Variants in FRYL observed in about 807,000 individuals in gnomAD.
The protein encoded by FRYL is protein furry homolog-like.
Under a neutral mutation model 351.2 loss-of-function variants are expected in FRYL, and 150 were observed. The observed-to-expected ratio is 0.43, with a 90% CI of 0.37 to 0.49. The LOEUF (loss-of-function observed/expected upper bound fraction) is 0.49. FRYL is among the 20% of genes least tolerant of loss of function. The pLI, the probability that FRYL is intolerant of heterozygous loss-of-function variation, is 0.00. For missense variants in FRYL, 3,036 were observed against 3,619.3 expected (o/e 0.84, Z 4.13); for synonymous variants, 1,153 against 1,257.1 (o/e 0.92, Z 1.75).
rs954387350 is a variant in FRYL, at chr4:48,603,020, T to C, written c.933+270A>G. 2.0e-5 allele frequency among the ~76,000 whole-genome samples: 3 copies of C among 152,186 alleles called. No homozygotes were observed. In the East Asian group the frequency reaches 5.8e-4, roughly 29 times the overall value. Reference sequence around the variant, plus strand: ...CACAATGAAATAGCCTAACGACACATTTCTTAGAACATATTTCCATCATTA... The same window carrying C: ...CACAATGAAATAGCCTAACGACACACTTCTTAGAACATATTTCCATCATTA... On this transcript the variant is annotated intron_variant, in intron 12 of 63. Transcript: ENST00000358350.
intron 1 of FRYL, among the ~76,000 whole-genome samples, chr4:48,745,121 A>T (rs1772522585): frequency 6.6e-6 from 1 of 152,174 alleles, no homozygotes; most frequent in South Asian, 2.1e-4. Context: ...ATCAGAATTG[A>T]GTTTTAGAAA....
At chr4:48,723,333 G>A (rs1244739029) in intron 1 of FRYL, among the ~76,000 whole-genome samples, 1 of 151,988 alleles carries the variant, frequency 6.6e-6, no homozygotes, top group Admixed American at 6.6e-5. Flanking sequence ...AGTAGAGACA[G>A]AGTCTCACCA....
chr4:48,666,742 T>C (rs566898803), intron 3 of FRYL, among the ~76,000 whole-genome samples: 53 of 152,186 alleles, frequency 3.5e-4, no homozygotes, highest in African/African-American at 1.3e-3. Context: ...ACAATGAACG[T>C]TTCATAGTTT....
At position 48,594,033 on chromosome 4, in the gene FRYL, T is replaced by C; in HGVS notation, c.1249-17A>G. 2.8e-6 allele frequency: 3 copies of C among 1,071,706 alleles called. No individual in the cohort carries two copies. The highest frequency in any genetic ancestry group is 1.6e-5 in the South Asian group (1 of 61,634). The allele number at this position is 1,071,706 out of a possible 1,614,324, so 66.4% of individuals were successfully genotyped here. ...CAAGCGTTCCTTAAAAAAAAAAAAA[T>C]CCTTATAACTTGCTACTATGTGTTA... is the stretch of plus-strand genomic sequence containing the variant. On this transcript the variant is annotated splice_polypyrimidine_tract_variant and intron_variant, in intron 15 of 63. Transcript: ENST00000358350.
At chr4:48,572,000 A>T (rs564824939) in intron 26 of FRYL, 2 of 985,158 alleles carry the variant, frequency 2.0e-6, no homozygotes, top group South Asian at 9.4e-5. Flanking sequence ...CTGAAACAAA[A>T]ATCAAATCAA....
chr4:48,641,442 C>A (rs967680254), intron 3 of FRYL, among the ~76,000 whole-genome samples: 1 of 152,038 alleles, frequency 6.6e-6, no homozygotes, highest in Admixed American at 6.6e-5. Flanking sequence ...TGGTAAATGG[C>A]TCTCTTAAAA....
intron 53 of FRYL, among the ~76,000 whole-genome samples, chr4:48,525,196 T>TATATATATATATATATACAC (rs759279145): frequency 1.5e-5 from 2 of 133,056 alleles, no homozygotes; most frequent in African/African-American, 6.0e-5. Context: ...TATATATATA[T>TATATATATATATATATACAC]ACACACACTT....
chr4:48,715,921 A>T (rs1578814290), intron 1 of FRYL, among the ~76,000 whole-genome samples: 1 of 152,336 alleles, frequency 6.6e-6, no homozygotes. Context: ...TGGTACCAAA[A>T]CAGAGATATA....
At position 48,540,367 on chromosome 4, in the gene FRYL, G is replaced by A; in HGVS notation, c.6281C>T (p.Pro2094Leu). 1 of 1,612,812 alleles carries A rather than the reference G, an allele frequency of 6.2e-7. No homozygotes were observed. Among genetic ancestry groups the A allele is most frequent in the Non-Finnish European group, 8.5e-7 (1 of 1,179,070 alleles). ...ATTAACATCACCTGACAATTGGGAA[G>A]GATCCACCAATGTATGTTTGGAGAC... ...ISVSKHTLVD[P>L]SQLSGFPLNI... The change falls in exon 46 of 64, where the codon CCT becomes CTT. Residue 2094 changes from proline (P) to leucine (L), a missense_variant. This residue lies in a region of FRYL where 1,987 missense variants were observed against 2,311.7 expected (regional missense o/e 0.86). Transcript: ENST00000358350.
chr4:48,557,673 C>T lies in FRYL; in HGVS notation c.3905G>A (p.Arg1302Gln), dbSNP rs776088345. The change falls in exon 34 of 64, where the codon CGG becomes CAG. Residue 1302 changes from arginine to glutamine, a missense_variant. This residue lies in a region of FRYL where 1,987 missense variants were observed against 2,311.7 expected (regional missense o/e 0.86). Transcript: ENST00000358350. ...TAGCAGGTAGTGCAGCATCACCTGC[C>T]GCCCAGCAGGGTGAGCTGTCTGGAT... Reference protein sequence around the residue: ...QRIQTAHPAGRQVMLHYLLPW... With the variant: ...QRIQTAHPAGQQVMLHYLLPW... The T allele has an allele frequency of 5.0e-5, 80 of 1,613,934 alleles. No individual in the cohort carries two copies. Among genetic ancestry groups the T allele is most frequent in the Non-Finnish European group, 6.4e-5 (76 of 1,179,976 alleles).
At chr4:48,568,698 T>C (rs1309018680) in intron 27 of FRYL, among the ~76,000 whole-genome samples, 1 of 152,314 alleles carries the variant, frequency 6.6e-6, no homozygotes, top group South Asian at 2.1e-4. Flanking sequence ...TAAATATGTA[T>C]TGAATGAATC....
At position 48,595,849 on chromosome 4, in the gene FRYL, T is replaced by A. The variant is rs200644881; in HGVS notation, c.1139+48A>T. ...TAAAATTCCCAATAGTGTGTTTTTT[T>A]AAAAACAAGAATTTATTTTTAATGC... is the stretch of plus-strand genomic sequence containing the variant. On this transcript the variant is annotated intron_variant, in intron 14 of 63. Transcript: ENST00000358350. 55 of 1,322,180 alleles carry A rather than the reference T, an allele frequency of 4.2e-5. No homozygotes were observed. In the African/African-American group the frequency reaches 7.0e-4, roughly 17 times the overall value. 81.9% of individuals were successfully genotyped at this position (1,322,180 alleles called of 1,614,324 possible). A position where few individuals can be genotyped will look rare whatever the true frequency, so the allele number is the denominator to read the frequency against.
chr4:48,511,130 TTTTAGGTA>T (rs1722386695), intron 57 of FRYL, 146 bp from the exon 58 acceptor site: 3 of 540,788 alleles, frequency 5.5e-6, no homozygotes, highest in Non-Finnish European at 6.4e-6. Flanking sequence ...AAATCCATAT[TTTTAGGTA>T]TTTCCTTAGA....
Position 48,644,599 on chromosome 4 carries a change from T to C in FRYL, c.-80-10109A>G, listed in dbSNP as rs77792955. ...TATCTAGTAAAAATGTTGAAACAGC[T>C]GGCCATTCATCTAAAGAAAAAATAA... On this transcript the variant is annotated intron_variant, in intron 3 of 63. Transcript: ENST00000358350. Among the ~76,000 whole-genome samples the C allele has an allele frequency of 8.2e-3, 1,241 of 150,672 alleles. 12 individuals carry two copies. The highest frequency in any genetic ancestry group is 0.011 in the Non-Finnish European group (761 of 67,796).
At chr4:48,551,699 A>G in intron 36 of FRYL, 121 bp from the exon 37 acceptor site, 2 of 642,734 alleles carry the variant, frequency 3.1e-6, no homozygotes, top group Non-Finnish European at 2.7e-6. Context: ...GTCATTTAAA[A>G]AAAGGAATGT....
intron 3 of FRYL, among the ~76,000 whole-genome samples, chr4:48,667,788 C>A (rs1307849684): frequency 6.6e-6 from 1 of 152,134 alleles, no homozygotes; most frequent in Non-Finnish European, 1.5e-5. Flanking sequence ...CCTGGGATTA[C>A]AGGTGCACAC....
chr4:48,562,721 T>C (rs1173166278), intron 32 of FRYL, among the ~76,000 whole-genome samples, 168 bp downstream of exon 32: 3 of 152,202 alleles, frequency 2.0e-5, no homozygotes, highest in Admixed American at 1.3e-4. Context: ...TAAATATCTA[T>C]ATTATCTTTG....
chr4:48,646,891 C>T (rs754381189), intron 3 of FRYL, among the ~76,000 whole-genome samples: 1 of 151,924 alleles, frequency 6.6e-6, no homozygotes, highest in Non-Finnish European at 1.5e-5. Flanking sequence ...CCAGGGAGGT[C>T]CAGGAGAACA....
chr4:48,699,352 A>C (rs951286183), intron 2 of FRYL, among the ~76,000 whole-genome samples: 2 of 152,248 alleles, frequency 1.3e-5, no homozygotes, highest in Non-Finnish European at 2.9e-5. Context: ...AAAACATAAG[A>C]GTTTGCCCTA....
Sources: allele counts gnomAD v4.1 joint callset (sites outside exome capture counted in the v4.1 genomes callset), GRCh38; gene constraint gnomAD v4.1.1; regional missense constraint gnomAD v4.1.1; transcripts MANE v1.5; gene names NCBI Gene and HGNC (gene_info 2026-07-23, HGNC 2026-07-21).